Variants in DIP2C observed in about 807,000 individuals in gnomAD.
DIP2C encodes DIP2 acetate--CoA ligase C (putative), also known as disco-interacting protein 2 homolog C.
A neutral mutation model predicts 192.4 loss-of-function variants in DIP2C; 33 were observed. The observed-to-expected ratio is 0.17, with a 90% CI of 0.13 to 0.23. The LOEUF (loss-of-function observed/expected upper bound fraction) is 0.23. Among genes scored for constraint, DIP2C ranks in the 10% least tolerant of loss-of-function variants. The pLI is 1.00. For missense variants in DIP2C, 1,537 were observed against 2,110.1 expected (o/e 0.73, Z 5.32); for synonymous variants, 979 against 864.1 (o/e 1.13, Z -2.33).
At chr10:560,555 G>A (rs547282731) in intron 1 of DIP2C, among the ~76,000 whole-genome samples, 2 of 152,134 alleles carry the variant, frequency 1.3e-5, no homozygotes, top group African/African-American at 2.4e-5. Context: ...TTGATTCTCA[G>A]GCTGGTTTCA....
chr10:291,976 CG>C (rs1237968891), intron 32 of DIP2C, among the ~76,000 whole-genome samples: 1 of 152,134 alleles, frequency 6.6e-6, no homozygotes, highest in Non-Finnish European at 1.5e-5. Flanking sequence ...CCCTCTCCTG[CG>C]GGAAGTGTGA....
At chr10:638,538 C>A (rs1269876228) in intron 1 of DIP2C, among the ~76,000 whole-genome samples, 1 of 152,176 alleles carries the variant, frequency 6.6e-6, no homozygotes, top group South Asian at 2.1e-4. Context: ...ATTCTCGAAG[C>A]ACCGTACTCA....
rs1564313840 is a variant in DIP2C, at chr10:657,239, CG to C, written c.85+32254del. 2.4e-4 allele frequency among the ~76,000 whole-genome samples: 20 copies of C among 84,778 alleles called. 1 individual carries two copies. Among genetic ancestry groups the C allele is most frequent in the African/African-American group, 8.4e-4 (19 of 22,706 alleles). The allele number at this position is 84,778 out of a possible 152,430, so 55.6% of individuals were successfully genotyped here. ...ACCCTGGACCTGCCCCTGGACCTGC[CG>C]CTGGACCTGATGCTGGACCTGTCCC... On this transcript the variant is annotated intron_variant, in intron 1 of 36. Transcript: ENST00000280886.
chr10:489,476 T>A lies in DIP2C; in HGVS notation c.86-2946A>T, dbSNP rs192604573. On this transcript the variant is annotated intron_variant, in intron 1 of 36. Transcript: ENST00000280886. The stretch of plus-strand genomic sequence containing the variant: ...AGAAGCTAGCTGGCTGACTACACAG[T>A]ATCCTCCCTGAACAGCTTCTTGGGT... Among the ~76,000 whole-genome samples, 352 of 152,336 alleles carry A rather than the reference T, an allele frequency of 2.3e-3. 2 individuals carry two copies. The highest frequency in any genetic ancestry group is 4.1e-3 in the Non-Finnish European group (281 of 68,028).
At chr10:290,064 C>CT (rs1005316193) in intron 32 of DIP2C, among the ~76,000 whole-genome samples, 10 of 152,222 alleles carry the variant, frequency 6.6e-5, no homozygotes, top group African/African-American at 2.4e-4. Flanking sequence ...GCCAGCAGCA[C>CT]TTTCTCCTCT....
At chr10:485,147 A>C (rs1016698200) in intron 2 of DIP2C, among the ~76,000 whole-genome samples, 3 of 152,248 alleles carry the variant, frequency 2.0e-5, no homozygotes, top group Non-Finnish European at 4.4e-5. Context: ...CCGTCCTGGC[A>C]AGCGAGGAAC....
At chr10:342,023 T>C (rs1564583711) in intron 28 of DIP2C, among the ~76,000 whole-genome samples, 1 of 152,224 alleles carries the variant, frequency 6.6e-6, no homozygotes, top group Non-Finnish European at 1.5e-5. Context: ...GCTGATATTT[T>C]CACTGGAGTT....
intron 1 of DIP2C, among the ~76,000 whole-genome samples, chr10:523,862 T>G (rs937035541): frequency 2.0e-5 from 3 of 152,216 alleles, no homozygotes; most frequent in African/African-American, 7.2e-5. Context: ...TAAAGAACCC[T>G]GTGACTCTGT....
chr10:595,610 T>C (rs1851655714), intron 1 of DIP2C, among the ~76,000 whole-genome samples: 1 of 152,072 alleles, frequency 6.6e-6, no homozygotes, highest in Non-Finnish European at 1.5e-5. Context: ...ACACAAACTT[T>C]TAAAAAGCTC....
At chr10:416,008 C>T (rs1409470857) in intron 6 of DIP2C, 120 bp from the exon 7 acceptor site, 20 of 1,472,852 alleles carry the variant, frequency 1.4e-5, no homozygotes, top group South Asian at 2.6e-5. Flanking sequence ...ATCCTAGATG[C>T]GATCCTGGGA....
rs533471254 is a variant in DIP2C, at chr10:538,395, T to TC, written c.86-51866dup. ...GTCTCAAACTCCTGGCCTCAAGGTA[T>TC]CCTTCAGCCTTGGCCTTCCAAAGCC... On this transcript the variant is annotated intron_variant, in intron 1 of 36. Coordinates refer to ENST00000280886, the MANE Select transcript of DIP2C (RefSeq NM_014974.3). Among the ~76,000 whole-genome samples, 31 of 152,338 alleles carry TC rather than the reference T, an allele frequency of 2.0e-4. No homozygotes were observed. The East Asian group carries it at 5.0e-3, about 25-fold the overall frequency.
intron 3 of DIP2C, among the ~76,000 whole-genome samples, chr10:445,007 A>C (rs762121620): frequency 6.6e-6 from 1 of 152,238 alleles, no homozygotes; most frequent in Non-Finnish European, 1.5e-5. Context: ...ACTGTTTGCT[A>C]AAGTGGCCGT....
intron 29 of DIP2C, among the ~76,000 whole-genome samples, chr10:332,823 G>A (rs1418286400): frequency 6.6e-6 from 1 of 152,094 alleles, no homozygotes; most frequent in East Asian, 1.9e-4. Context: ...TGGGGGTCCT[G>A]GGTCATACCC....
At chr10:660,158 C>A (rs1178522811) in intron 1 of DIP2C, among the ~76,000 whole-genome samples, 1 of 151,060 alleles carries the variant, frequency 6.6e-6, no homozygotes, top group African/African-American at 2.4e-5. Flanking sequence ...GTGTATGAAA[C>A]AGAGATTCTA....
intron 11 of DIP2C, 141 bp from the exon 12 acceptor site, chr10:390,514 C>T: frequency 1.9e-6 from 2 of 1,070,460 alleles, no homozygotes; most frequent in Non-Finnish European, 2.7e-6. Context: ...AGATCTAAGA[C>T]ATCAACAGAA....
chr10:415,658 A>G, intron 7 of DIP2C, 111 bp downstream of exon 7: 1 of 1,457,708 alleles, frequency 6.9e-7, no homozygotes, highest in Admixed American at 1.9e-5. Flanking sequence ...CATGCGGCAA[A>G]TGCCACGATT....
intron 31 of DIP2C, chr10:324,883 CTGTT>C: frequency 1.9e-6 from 1 of 523,532 alleles, no homozygotes; most frequent in South Asian, 1.4e-5. Context: ...CTTTCCTGCG[CTGTT>C]TTTCTTTCAT....
At position 369,639 on chromosome 10, in the gene DIP2C, A is replaced by T; in HGVS notation, c.1992-6T>A. The T allele has an allele frequency of 6.2e-7, 1 of 1,614,138 alleles. No individual in the cohort carries two copies. The highest frequency in any genetic ancestry group is 8.5e-7 in the Non-Finnish European group (1 of 1,180,014). ...GGTTACTGTCATCCGTGGGCCTGTA[A>T]TGACAGTTTTTAACTTGAATATGCA... is the stretch of plus-strand genomic sequence containing the variant. On this transcript the variant is annotated splice_polypyrimidine_tract_variant and splice_region_variant and intron_variant, in intron 17 of 36. Coordinates refer to ENST00000280886, the MANE Select transcript of DIP2C (RefSeq NM_014974.3).
At chr10:568,052 G>A (rs1041189224) in intron 1 of DIP2C, among the ~76,000 whole-genome samples, 1 of 152,148 alleles carries the variant, frequency 6.6e-6, no homozygotes, top group Non-Finnish European at 1.5e-5. Context: ...CTGCATCCCC[G>A]CAGTTCTCTG....
Sources: gnomAD v4.1 joint callset for allele counts (sites outside exome capture counted in the v4.1 genomes callset) on GRCh38, gnomAD v4.1.1 for gene constraint, MANE v1.5 for transcripts, NCBI Gene and HGNC (gene_info 2026-07-23, HGNC 2026-07-21) for gene names.